ANGPT1: variants seen among roughly 807,000 people sequenced by gnomAD.
ANGPT1 encodes angiopoietin-1.
ANGPT1 carries 17 observed loss-of-function variants against 62.2 expected under a neutral mutation model. The observed-to-expected ratio is 0.27, with a 90% confidence interval of 0.19 to 0.41. The LOEUF is 0.41. Among genes scored for constraint, ANGPT1 ranks in the 10% least tolerant of loss-of-function variants. The pLI, the probability that ANGPT1 is intolerant of heterozygous loss-of-function variation, is 1.00. For synonymous variants in ANGPT1, 199 were observed against 198.9 expected, an observed-to-expected ratio of 1.00 and a Z score of 0.00; for missense variants, 478 against 594.9, an observed-to-expected ratio of 0.80 and a Z score of 2.04.
rs1000008147 is a variant in ANGPT1 at position 107,438,640 on chromosome 8, T to G, written c.297+58622A>C. Among the ~76,000 whole-genome samples the G allele has an allele frequency of 2.6e-5, 4 of 152,162 alleles. No individual in the cohort carries two copies. The East Asian group carries it at 7.7e-4, about 29-fold the overall frequency. ...CATATGCTTATCTTTACTATTTATA[T>G]AAATGTTAACCTGATATTTTAGGCT... On this transcript the variant is annotated intron_variant, in intron 1 of 8. Transcript: ENST00000517746.
At chr8:107,391,185 A>G (rs1264506042) in intron 1 of ANGPT1, among the ~76,000 whole-genome samples, 1 of 152,104 alleles carries the variant, frequency 6.6e-6, no homozygotes, top group Non-Finnish European at 1.5e-5. Flanking sequence ...TAAGATGTAT[A>G]TTTTCACATC....
rs189379516 is a variant in ANGPT1 at position 107,262,615 on chromosome 8, A to T, written c.1336+1606T>A. 4.6e-5 allele frequency among the ~76,000 whole-genome samples: 7 copies of T among 152,272 alleles called. No individual in the cohort carries two copies. The East Asian group carries it at 1.4e-3, about 29-fold the overall frequency. On this transcript the variant is annotated intron_variant, in intron 8 of 8. Transcript: ENST00000517746. The stretch of plus-strand genomic sequence containing the variant: ...AGTAACGTAGTGTTGGGAAAGGAAA[A>T]TATTAGATTTGAACAATTTTTTCCT...
At chr8:107,427,733 C>T (rs1326281101) in intron 1 of ANGPT1, among the ~76,000 whole-genome samples, 3 of 152,202 alleles carry the variant, frequency 2.0e-5, no homozygotes, top group Non-Finnish European at 4.4e-5. Flanking sequence ...GACTGTCTCT[C>T]AGTATAGTCC....
At chr8:107,442,202 C>A (rs567701184) in intron 1 of ANGPT1, among the ~76,000 whole-genome samples, 1 of 152,250 alleles carries the variant, frequency 6.6e-6, no homozygotes, top group South Asian at 2.1e-4. Context: ...TGCTCATGCA[C>A]GTACCTCCTT....
chr8:107,470,853 T>C lies in ANGPT1; in HGVS notation c.297+26409A>G, dbSNP rs560720794. The stretch of plus-strand genomic sequence containing the variant: ...AAATCAAAACCACCATGAGATACCA[T>C]CTCGTACCAGTTAGAATGGCAATCA... On this transcript the variant is annotated intron_variant, in intron 1 of 8. Coordinates refer to ENST00000517746, the MANE Select transcript of ANGPT1 (RefSeq NM_001146.5). Among the ~76,000 whole-genome samples, 16 of 152,180 alleles carry C rather than the reference T, an allele frequency of 1.1e-4. No individual in the cohort carries two copies. The East Asian group carries it at 3.1e-3, about 29-fold the overall frequency.
intron 7 of ANGPT1, among the ~76,000 whole-genome samples, chr8:107,265,795 T>C (rs1321048602): frequency 1.3e-5 from 2 of 152,146 alleles, no homozygotes; most frequent in Admixed American, 1.3e-4. Context: ...TATTATGAAA[T>C]AGAATAATAA....
At chr8:107,409,453 T>C (rs931673570) in intron 1 of ANGPT1, among the ~76,000 whole-genome samples, 1 of 152,120 alleles carries the variant, frequency 6.6e-6, no homozygotes, top group South Asian at 2.1e-4. Flanking sequence ...GGTCCCACAG[T>C]CCCCAGGACC....
At chr8:107,392,656 G>A (rs1816857767) in intron 1 of ANGPT1, among the ~76,000 whole-genome samples, 1 of 151,940 alleles carries the variant, frequency 6.6e-6, no homozygotes, top group African/African-American at 2.4e-5. Flanking sequence ...TGTGGCTTCT[G>A]AGTCTCCCAC....
chr8:107,286,495 G>A (rs928467478), intron 6 of ANGPT1, among the ~76,000 whole-genome samples: 2 of 152,116 alleles, frequency 1.3e-5, no homozygotes, highest in Non-Finnish European at 2.9e-5. Context: ...TCTACTATGG[G>A]AAAGTTTTAG....
intron 3 of ANGPT1, among the ~76,000 whole-genome samples, chr8:107,335,639 A>T (rs1442672555): frequency 1.3e-5 from 2 of 152,140 alleles, no homozygotes; most frequent in African/African-American, 2.4e-5. Flanking sequence ...CAACTAAAAA[A>T]CCAAACCCTT....
chr8:107,286,251 G>A (rs550158741), intron 6 of ANGPT1, among the ~76,000 whole-genome samples: 2 of 152,230 alleles, frequency 1.3e-5, no homozygotes, highest in African/African-American at 4.8e-5. Flanking sequence ...TTTATAAAAT[G>A]TTATGCAAAT....
At chr8:107,439,358 G>A (rs745444254) in intron 1 of ANGPT1, among the ~76,000 whole-genome samples, 2 of 152,190 alleles carry the variant, frequency 1.3e-5, no homozygotes, top group Non-Finnish European at 2.9e-5. Flanking sequence ...TTTCTAGAAA[G>A]CCAAAATGAG....
At chr8:107,357,837 C>A (rs933525816) in intron 1 of ANGPT1, among the ~76,000 whole-genome samples, 1 of 152,122 alleles carries the variant, frequency 6.6e-6, no homozygotes, top group African/African-American at 2.4e-5. Context: ...TCATTTTACT[C>A]TGGTATTTTG....
rs1002965920 is a variant in ANGPT1, at chr8:107,302,449, C to T, written c.936+791G>A. Among the ~76,000 whole-genome samples, 3 of 152,050 alleles carry T rather than the reference C, an allele frequency of 2.0e-5. No individual in the cohort carries two copies. In the East Asian group the frequency reaches 5.8e-4, roughly 29 times the overall value. On this transcript the variant is annotated intron_variant, in intron 5 of 8. Coordinates refer to ENST00000517746, the MANE Select transcript of ANGPT1 (RefSeq NM_001146.5). ...AACTTCCCATATACCCTGCTTTACA[C>T]AGACCATTTCTATCACTATACTTAT... is the stretch of plus-strand genomic sequence containing the variant.
intron 4 of ANGPT1, among the ~76,000 whole-genome samples, chr8:107,314,457 G>A (rs983570466): frequency 5.9e-5 from 9 of 152,098 alleles, no homozygotes; most frequent in Admixed American, 5.9e-4. Context: ...CATTAATTTG[G>A]CTATCCACTA....
intron 2 of ANGPT1, among the ~76,000 whole-genome samples, chr8:107,337,412 T>A (rs1335867304): frequency 1.3e-5 from 2 of 152,090 alleles, no homozygotes; most frequent in African/African-American, 4.8e-5. Context: ...AGCTGGGCCT[T>A]ATTATGACAT....
intron 1 of ANGPT1, among the ~76,000 whole-genome samples, chr8:107,474,288 A>C (rs1240445236): frequency 6.6e-6 from 1 of 152,198 alleles, no homozygotes; most frequent in Non-Finnish European, 1.5e-5. Context: ...ACATATGCAA[A>C]TCAATAAATG....
chr8:107,284,927 T>C, intron 6 of ANGPT1, 79 bp from the exon 7 acceptor site: 5 of 1,109,548 alleles, frequency 4.5e-6, no homozygotes, highest in Non-Finnish European at 5.9e-6. Context: ...ATTTTCTAAA[T>C]AATAATTAAA....
intron 1 of ANGPT1, among the ~76,000 whole-genome samples, chr8:107,365,316 T>G (rs1374967688): frequency 6.6e-6 from 1 of 152,186 alleles, no homozygotes. Context: ...CCTCAAATGG[T>G]GCTCTCCCCC....
Sources: allele counts gnomAD v4.1 joint callset (sites outside exome capture counted in the v4.1 genomes callset), GRCh38; gene constraint gnomAD v4.1.1; transcripts MANE v1.5; gene names NCBI Gene and HGNC (gene_info 2026-07-23, HGNC 2026-07-21).